The following PBRM1 variants were observed in gnomAD, a reference collection of about 807,000 sequenced individuals.
The protein encoded by PBRM1 is polybromo 1.
Under a neutral mutation model 194.5 loss-of-function variants are expected in PBRM1, and 27 were observed. The observed-to-expected ratio is 0.14, with a 90% confidence interval of 0.10 to 0.19. PBRM1 has a LOEUF of 0.19. Ranked by LOEUF, PBRM1 falls within the 10% of genes least tolerant of loss-of-function variation. The pLI is 1.00. For synonymous variants in PBRM1, 655 were observed against 693.2 expected, an observed-to-expected ratio of 0.94 and a Z score of 0.87; for missense variants, 1,466 against 2,077.2, an observed-to-expected ratio of 0.71 and a Z score of 5.72.
At chr3:52,585,518 T>G (rs1374304840) in intron 20 of PBRM1, 1 of 152,244 alleles carries the variant, frequency 6.6e-6, no homozygotes, top group African/African-American at 2.4e-5. Flanking sequence ...TTACATTTCT[T>G]CCACATTTAT....
intron 17 of PBRM1, among the ~76,000 whole-genome samples, chr3:52,597,096 C>T (rs987946715): frequency 1.3e-5 from 2 of 152,152 alleles, no homozygotes; most frequent in Admixed American, 6.5e-5. Flanking sequence ...AGTTCCAATG[C>T]AAATCCCTCA....
intron 27 of PBRM1, chr3:52,551,699 T>C (rs531100800): frequency 6.6e-6 from 1 of 152,304 alleles, no homozygotes; most frequent in African/African-American, 2.4e-5. Context: ...CAAATAAACC[T>C]AAAACTGTGG....
intron 22 of PBRM1, among the ~76,000 whole-genome samples, chr3:52,569,279 C>A (rs2086290811): frequency 6.6e-6 from 1 of 150,800 alleles, no homozygotes; most frequent in African/African-American, 2.4e-5. Context: ...GGCGCGATCT[C>A]GGTTCATTGC....
chr3:52,670,868 AG>A (rs1403803018), intron 2 of PBRM1, among the ~76,000 whole-genome samples: 1 of 152,242 alleles, frequency 6.6e-6, no homozygotes, highest in Non-Finnish European at 1.5e-5. Flanking sequence ...CTCGTCTCTA[AG>A]GAAAACAAAG....
chr3:52,547,882 T>C (rs2079882896), downstream of PBRM1: 7 of 515,512 alleles, frequency 1.4e-5, no homozygotes, highest in South Asian at 2.0e-4. Flanking sequence ...GTCAACTTAA[T>C]ATAACAAACA....
chr3:52,670,069 A>C (rs115561198), intron 2 of PBRM1, among the ~76,000 whole-genome samples: 1,987 of 152,302 alleles, frequency 0.013, 59 homozygotes, highest in African/African-American at 0.045. Flanking sequence ...CAGGACCCAC[A>C]GTCCAGTGCT....
intron 4 of PBRM1, among the ~76,000 whole-genome samples, chr3:52,661,735 C>G (rs2096729029): frequency 6.6e-6 from 1 of 152,210 alleles, no homozygotes; most frequent in African/African-American, 2.4e-5. Context: ...GTTCTAGGAA[C>G]AGTAACTATT....
At chr3:52,607,245 C>T (rs1275003806) in intron 16 of PBRM1, among the ~76,000 whole-genome samples, 1 of 152,132 alleles carries the variant, frequency 6.6e-6, no homozygotes, top group East Asian at 1.9e-4. Context: ...TCTTTGTTCA[C>T]AAAGTTAAGA....
intron 20 of PBRM1, chr3:52,585,473 A>C (rs530797189): frequency 1.1e-4 from 17 of 152,250 alleles, no homozygotes; most frequent in Admixed American, 1.1e-3. Flanking sequence ...CATTTTATTT[A>C]GGTTTTCAAA....
At chr3:52,592,122 G>GTT (rs1168998355) in intron 17 of PBRM1, among the ~76,000 whole-genome samples, 5,631 of 120,222 alleles carry the variant, frequency 0.047, 601 homozygotes, top group African/African-American at 0.18. Flanking sequence ...ACTGCACCAG[G>GTT]TTTTTTTTTT....
At chr3:52,628,238 G>A (rs2095506181) in intron 12 of PBRM1, among the ~76,000 whole-genome samples, 2 of 151,506 alleles carry the variant, frequency 1.3e-5, no homozygotes, top group Non-Finnish European at 2.9e-5. Flanking sequence ...GAATATCATC[G>A]GTGATTGCAG....
At chr3:52,619,363 T>G (rs540085532) in intron 13 of PBRM1, among the ~76,000 whole-genome samples, 6 of 152,246 alleles carry the variant, frequency 3.9e-5, no homozygotes, top group African/African-American at 1.2e-4. Context: ...CACATCCTCC[T>G]GTATACTTCA....
chr3:52,596,000 T>C (rs946692730), intron 17 of PBRM1, among the ~76,000 whole-genome samples: 8 of 152,162 alleles, frequency 5.3e-5, no homozygotes, highest in African/African-American at 9.7e-5. Context: ...ATTGGTATAT[T>C]TGTCTGTTTT....
intron 2 of PBRM1, among the ~76,000 whole-genome samples, chr3:52,676,579 T>A (rs1196537645): frequency 6.6e-6 from 1 of 152,208 alleles, no homozygotes; most frequent in African/African-American, 2.4e-5. Flanking sequence ...CTCGGGTATG[T>A]CTTTATCAGC....
In PBRM1 at chr3:52,571,551, A is replaced by AGGAGGT. The variant is rs1301693485; in HGVS notation, c.3691+4984_3691+4989dup. Among the ~76,000 whole-genome samples the AGGAGGT allele has an allele frequency of 2.1e-5, 3 of 141,586 alleles. No individual in the cohort carries two copies. The East Asian group carries it at 6.6e-4, about 31-fold the overall frequency. The allele number at this position is 141,586 out of a possible 152,430, so 92.9% of individuals were successfully genotyped here. A position where few individuals can be genotyped will look rare whatever the true frequency, so the allele number is the denominator to read the frequency against. ...TGAGGCAGGGGAATAGCTTGAACCC[A>AGGAGGT]GGAGGTGGAGGTTGCGGTGAACCGA... On this transcript the variant is annotated intron_variant, in intron 22 of 29. Coordinates refer to ENST00000296302, the Ensembl canonical transcript of PBRM1.
chr3:52,657,808 A>T (rs1345231682), intron 5 of PBRM1, among the ~76,000 whole-genome samples: 3 of 128,590 alleles, frequency 2.3e-5, no homozygotes, highest in African/African-American at 9.1e-5. Context: ...TAAATTTGAG[A>T]CGGAGTTTCG....
At chr3:52,683,542 A>C (rs2097251306), upstream of PBRM1, among the ~76,000 whole-genome samples, 1 of 152,030 alleles carries the variant, frequency 6.6e-6, no homozygotes, top group Non-Finnish European at 1.5e-5. Flanking sequence ...GGCCAGGCAC[A>C]GTGGCTCATG....
At chr3:52,666,225 C>A (rs564983236) in intron 3 of PBRM1, among the ~76,000 whole-genome samples, 1 of 152,150 alleles carries the variant, frequency 6.6e-6, no homozygotes, top group African/African-American at 2.4e-5. Flanking sequence ...ATTCTGGCCT[C>A]GGCAACTTAA....
At chr3:52,678,725 C>T in intron 1 of PBRM1, 128 bp from the exon 3 acceptor site, 2 of 595,846 alleles carry the variant, frequency 3.4e-6, no homozygotes. Flanking sequence ...CTCAATATTA[C>T]CAAACATGCT....
Sources: gnomAD v4.1 joint callset for allele counts (sites outside exome capture counted in the v4.1 genomes callset) on GRCh38, gnomAD v4.1.1 for gene constraint, MANE v1.5 for transcripts, NCBI Gene and HGNC (gene_info 2026-07-23, HGNC 2026-07-21) for gene names.